The following NLRP2 variants were observed in gnomAD, a reference collection of about 807,000 sequenced individuals.
NLRP2 encodes NLR family pyrin domain containing 2.
A neutral mutation model predicts 97.2 loss-of-function variants in NLRP2; 107 were observed. The ratio of observed to expected loss-of-function variants is 1.10; its 90% confidence interval spans 0.94 to 1.29. The LOEUF (loss-of-function observed/expected upper bound fraction) is 1.29, where lower values mean the gene tolerates loss of function less well. Ranked by LOEUF, NLRP2 falls within the 50% of genes most tolerant of loss-of-function variation. NLRP2 has a pLI of 0.00. For synonymous variants in NLRP2, 663 were observed against 551.5 expected, an observed-to-expected ratio of 1.20 and a Z score of -2.83; for missense variants, 1,495 against 1,330.3, an observed-to-expected ratio of 1.12 and a Z score of -1.93.
chr19:54,978,067 T>C (rs1041302881), intron 4 of NLRP2, among the ~76,000 whole-genome samples: 2 of 151,710 alleles, frequency 1.3e-5, no homozygotes, highest in Admixed American at 6.6e-5. Flanking sequence ...AGTTTTTGTT[T>C]TTGTTTTTGT....
intron 3 of NLRP2, among the ~76,000 whole-genome samples, chr19:54,975,128 T>G (rs1478691701): frequency 4.7e-5 from 5 of 107,100 alleles, no homozygotes; most frequent in East Asian, 3.6e-4. Flanking sequence ...TTTTTTTTTT[T>G]TTTTTTTTTT....
chr19:54,994,046 A>G (rs751944280), intron 10 of NLRP2: 14 of 623,308 alleles, frequency 2.2e-5, no homozygotes, highest in African/African-American at 3.7e-5. Flanking sequence ...TAAGATGCTC[A>G]GTCACCTCTA....
At chr19:54,984,114 A>C (rs2071859104) in intron 6 of NLRP2, among the ~76,000 whole-genome samples, 1 of 151,524 alleles carries the variant, frequency 6.6e-6, no homozygotes, top group Non-Finnish European at 1.5e-5. Flanking sequence ...TCAGCCTCCA[A>C]AGTGGGATTA....
At chr19:54,970,325 T>G in intron 2 of NLRP2, 30 bp downstream of exon 2, 1 of 1,613,480 alleles carries the variant, frequency 6.2e-7, no homozygotes, top group South Asian at 1.1e-5. Context: ...CACTGTGTCC[T>G]AGGAGGAAGC....
rs1568512002 is a variant in NLRP2, at chr19:54,986,211, C to T, written c.2262C>T (p.His754=). ...ACCTCTGCCTAGCTCTTCGAGGTCACAAGACTGTAACGTATCTGACCCTTC... is the reference window on the plus strand; with the variant it reads ...ACCTCTGCCTAGCTCTTCGAGGTCATAAGACTGTAACGTATCTGACCCTTC... ...HRNLCLALRG[H]KTVTYLTLQG... Residue 754 remains histidine (H), a synonymous_variant, in exon 8 of 13, where the codon CAC becomes CAT. Coordinates refer to ENST00000448584, the MANE Select transcript of NLRP2 (RefSeq NM_017852.5). The T allele has an allele frequency of 6.2e-7, 1 of 1,612,872 alleles. No homozygotes were observed. The highest frequency in any genetic ancestry group is 1.7e-5 in the Admixed American group (1 of 59,976).
intron 7 of NLRP2, 122 bp from the exon 8 acceptor site, chr19:54,986,029 A>T: frequency 5.3e-6 from 4 of 754,382 alleles, no homozygotes; most frequent in African/African-American, 1.7e-5. Context: ...GTAAAGATGG[A>T]CAAAAATTTA....
In NLRP2 at chr19:54,999,200, C is replaced by T. The variant is rs147774820; in HGVS notation, c.3051-1560C>T. On this transcript the variant is annotated intron_variant, in intron 12 of 12. Coordinates refer to ENST00000448584, the MANE Select transcript of NLRP2 (RefSeq NM_017852.5). Reference sequence around the variant, plus strand: ...TTTACTCTTGTTGTCCAGCCTGGAGCGCAATGGCGCTATCTCGGCTTACTG... The same window carrying T: ...TTTACTCTTGTTGTCCAGCCTGGAGTGCAATGGCGCTATCTCGGCTTACTG... 6.7e-3 allele frequency among the ~76,000 whole-genome samples: 1,015 copies of T among 152,136 alleles called. 7 individuals carry two copies. Among genetic ancestry groups the T allele is most frequent in the African/African-American group, 0.024 (976 of 41,440 alleles).
chr19:54,980,260 G>A (rs1459219898), intron 4 of NLRP2, among the ~76,000 whole-genome samples: 1 of 151,362 alleles, frequency 6.6e-6, no homozygotes, highest in African/African-American at 2.4e-5. Context: ...GTGCAGTGGC[G>A]CAATCTCGGC....
At chr19:54,984,153 A>G (rs1255190984) in intron 6 of NLRP2, among the ~76,000 whole-genome samples, 1 of 151,016 alleles carries the variant, frequency 6.6e-6, no homozygotes, top group Non-Finnish European at 1.5e-5. Context: ...CCCGGCCCAA[A>G]TATATTTTTT....
In NLRP2 at chr19:54,989,145, C is replaced by A. The variant is rs545797620; in HGVS notation, c.2367-877C>A. Among the ~76,000 whole-genome samples, 5 of 151,760 alleles carry A rather than the reference C, an allele frequency of 3.3e-5. No homozygotes were observed. The East Asian group carries it at 1.0e-3, about 30-fold the overall frequency. ...TCTAACTTTTGTATGTTTAGTAGAG[C>A]CGGGGTTTCACCATGTTGGCCAGGA... is the stretch of plus-strand genomic sequence containing the variant. On this transcript the variant is annotated intron_variant, in intron 8 of 12. Coordinates refer to ENST00000448584, the MANE Select transcript of NLRP2 (RefSeq NM_017852.5).
At chr19:54,991,266 G>A (rs138531491) in intron 10 of NLRP2, 483 of 159,322 alleles carry the variant, frequency 3.0e-3, no homozygotes, top group Non-Finnish European at 4.8e-3. Flanking sequence ...CACAGGACAC[G>A]TGGCCTGGCA....
intron 1 of NLRP2, among the ~76,000 whole-genome samples, chr19:54,969,433 G>A (rs703463): frequency 0.29 from 41,963 of 146,794 alleles, 6,083 homozygotes; most frequent in East Asian, 0.39. Flanking sequence ...AGCCGAGATT[G>A]CAGCACTGCA....
intron 1 of NLRP2, among the ~76,000 whole-genome samples, chr19:54,969,655 A>G (rs536004509): frequency 6.6e-6 from 1 of 152,226 alleles, no homozygotes; most frequent in African/African-American, 2.4e-5. Flanking sequence ...ACTATCTCAA[A>G]AATAAGTAAA....
chr19:54,979,503 C>T (rs1224517281), intron 4 of NLRP2, among the ~76,000 whole-genome samples: 1 of 151,820 alleles, frequency 6.6e-6, no homozygotes, highest in East Asian at 1.9e-4. Flanking sequence ...CCACATCTGG[C>T]TAATTTTTGC....
intron 2 of NLRP2, among the ~76,000 whole-genome samples, chr19:54,971,274 A>G (rs1331012647): frequency 2.0e-5 from 3 of 149,784 alleles, no homozygotes; most frequent in Admixed American, 6.7e-5. Context: ...TAATGCTGCA[A>G]TAAACATACG....
intron 12 of NLRP2, among the ~76,000 whole-genome samples, chr19:55,000,503 C>T (rs2073122974): frequency 1.3e-5 from 2 of 150,310 alleles, no homozygotes; most frequent in South Asian, 2.1e-4. Context: ...TGGTCTTGAT[C>T]TGCTGACCTC....
In NLRP2 at chr19:54,974,126, T is replaced by C. The variant is rs778447248; in HGVS notation, c.281-374T>C. 53 of 684,086 alleles carry C rather than the reference T, an allele frequency of 7.7e-5. No individual in the cohort carries two copies. In the Middle Eastern group the frequency reaches 1.1e-3, roughly 14 times the overall value. The allele number at this position is 684,086 out of a possible 1,614,324, so 42.4% of individuals were successfully genotyped here. A position where few individuals can be genotyped will look rare whatever the true frequency, so the allele number is the denominator to read the frequency against. ...ATCCCAACACTTTGGGAGGCCGAGG[T>C]GGGCGGATCACAAGGTCAGGAGTCT... is the stretch of plus-strand genomic sequence containing the variant. On this transcript the variant is annotated intron_variant, in intron 2 of 12. Transcript: ENST00000448584.
chr19:54,982,974 A>T lies in NLRP2; in HGVS notation c.1276A>T (p.Thr426Ser). The change falls in exon 6 of 13, where the codon ACG becomes TCG. Residue 426 changes from threonine to serine, a missense_variant. Thr to Ser is a moderately conservative substitution (Grantham distance 58). Coordinates refer to ENST00000448584, the MANE Select transcript of NLRP2 (RefSeq NM_017852.5). ...CCCGGTCCCCACCTGCCTCACCCGCACGGGGCTGTTCCTGCGTTTCCTCTG... is the reference window on the plus strand; with the variant it reads ...CCCGGTCCCCACCTGCCTCACCCGCTCGGGGCTGTTCCTGCGTTTCCTCTG... The part of the protein sequence containing the change: ...EDPVPTCLTR[T>S]GLFLRFLCSR... The T allele has an allele frequency of 6.2e-7, 1 of 1,611,362 alleles. No individual in the cohort carries two copies. Among genetic ancestry groups the T allele is most frequent in the Non-Finnish European group, 8.5e-7 (1 of 1,179,670 alleles).
chr19:54,976,808 C>CTT lies in NLRP2; in HGVS notation c.326-943_326-942insTT. ...TGTTATTAGGATTCCACCTTGTTCT[C>CTT]TCTCTTTTTTTTTTTTTTTTTGATA... is the stretch of plus-strand genomic sequence containing the variant. On this transcript the variant is annotated intron_variant, in intron 3 of 12. Coordinates refer to ENST00000448584, the MANE Select transcript of NLRP2 (RefSeq NM_017852.5). The CTT allele has an allele frequency of 8.7e-6, 2 of 229,358 alleles. 1 individual carries two copies. The highest frequency in any genetic ancestry group is 4.8e-5 in the South Asian group (2 of 41,740). The allele number at this position is 229,358 out of a possible 1,614,324, so 14.2% of individuals were successfully genotyped here.
Sources: allele counts gnomAD v4.1 joint callset (sites outside exome capture counted in the v4.1 genomes callset), GRCh38; gene constraint gnomAD v4.1.1; transcripts MANE v1.5; gene names NCBI Gene and HGNC (gene_info 2026-07-23, HGNC 2026-07-21).